Variants in SAMMSON observed in about 807,000 individuals in gnomAD.
SAMMSON encodes survival associated mitochondrial melanoma specific oncogenic non-coding RNA.
chr3:70,196,198 G>C (rs897656956), intron 4 of SAMMSON, among the ~76,000 whole-genome samples: 1 of 152,144 alleles, frequency 6.6e-6, no homozygotes, highest in Non-Finnish European at 1.5e-5. Context: ...GAATAACTAA[G>C]AGCCTTTCTG....
chr3:70,269,873 G>A (rs1485281193), intron 6 of SAMMSON, among the ~76,000 whole-genome samples: 2 of 152,104 alleles, frequency 1.3e-5, no homozygotes, highest in Non-Finnish European at 2.9e-5. Context: ...TAAGGAAGAA[G>A]TCAAATATAA....
chr3:70,177,827 C>G (rs966040870), intron 4 of SAMMSON, among the ~76,000 whole-genome samples: 4 of 152,102 alleles, frequency 2.6e-5, no homozygotes, highest in African/African-American at 9.7e-5. Context: ...TCTCAAGTGT[C>G]CACTTATGGT....
chr3:69,999,751 C>T (rs1229982132), upstream of SAMMSON: 2 of 152,346 alleles, frequency 1.3e-5, no homozygotes, highest in African/African-American at 2.4e-5. Context: ...ACACTGAAGT[C>T]GCTAGACATT....
intron 6 of SAMMSON, among the ~76,000 whole-genome samples, chr3:70,286,811 C>G (rs942940896): frequency 6.6e-6 from 1 of 152,134 alleles, no homozygotes; most frequent in African/African-American, 2.4e-5. Flanking sequence ...ATTTTATTCT[C>G]TTTGAAGCAA....
chr3:70,033,199 C>T (rs1483946136), intron 3 of SAMMSON, among the ~76,000 whole-genome samples: 1 of 152,150 alleles, frequency 6.6e-6, no homozygotes, highest in Non-Finnish European at 1.5e-5. Flanking sequence ...CTTGATAATG[C>T]AGCTTTACTT....
chr3:70,153,665 G>A (rs967049350), intron 4 of SAMMSON, among the ~76,000 whole-genome samples: 11 of 151,782 alleles, frequency 7.2e-5, no homozygotes, highest in African/African-American at 2.4e-4. Context: ...ATATTTTTGC[G>A]ATTTTTAAAA....
intron 3 of SAMMSON, among the ~76,000 whole-genome samples, chr3:70,025,875 A>G (rs912328901): frequency 2.0e-5 from 3 of 152,188 alleles, no homozygotes; most frequent in Admixed American, 1.3e-4. Context: ...TATATTTGCT[A>G]TTTGTTAAGT....
chr3:70,112,906 C>T (rs1427022603), intron 4 of SAMMSON, among the ~76,000 whole-genome samples: 1 of 152,172 alleles, frequency 6.6e-6, no homozygotes, highest in Non-Finnish European at 1.5e-5. Context: ...AAACTCCATT[C>T]TCACAATAGA....
intron 2 of SAMMSON, among the ~76,000 whole-genome samples, chr3:70,430,955 C>A (rs558126905): frequency 4.1e-4 from 63 of 151,970 alleles, no homozygotes; most frequent in Non-Finnish European, 7.1e-4. Flanking sequence ...TACTTTTTTT[C>A]ACCTGAGAAA....
At chr3:70,023,138 C>G (rs2067022416) in intron 3 of SAMMSON, among the ~76,000 whole-genome samples, 1 of 152,076 alleles carries the variant, frequency 6.6e-6, no homozygotes, top group African/African-American at 2.4e-5. Flanking sequence ...CAAATAATTT[C>G]CAGTCTCAAA....
intron 6 of SAMMSON, among the ~76,000 whole-genome samples, chr3:70,281,335 T>C (rs1001263135): frequency 4.6e-5 from 7 of 152,134 alleles, no homozygotes; most frequent in African/African-American, 1.7e-4. Flanking sequence ...ATCTTATCCA[T>C]TCTCTCTCAA....
chr3:70,290,723 G>A (rs374282337), intron 6 of SAMMSON, among the ~76,000 whole-genome samples: 92 of 152,224 alleles, frequency 6.0e-4, no homozygotes, highest in African/African-American at 1.4e-3. Context: ...CTCCGTGGGC[G>A]TAGGACCCTC....
chr3:70,092,850 C>T (rs957834594), intron 4 of SAMMSON, among the ~76,000 whole-genome samples: 2 of 150,424 alleles, frequency 1.3e-5, no homozygotes, highest in Admixed American at 6.6e-5. Context: ...TTTAGTGATT[C>T]GCTTGATAAA....
At chr3:70,129,011 T>G (rs981268709) in intron 4 of SAMMSON, among the ~76,000 whole-genome samples, 11 of 152,192 alleles carry the variant, frequency 7.2e-5, no homozygotes, top group Non-Finnish European at 2.9e-5. Context: ...AAGCATCAAA[T>G]GCATATAAAT....
intron 3 of SAMMSON, among the ~76,000 whole-genome samples, chr3:70,017,325 A>C (rs1274713289): frequency 6.6e-6 from 1 of 152,014 alleles, no homozygotes; most frequent in Non-Finnish European, 1.5e-5. Flanking sequence ...TTGGATTCCT[A>C]GGTATTTTAT....
chr3:70,221,821 C>G (rs968064655), intron 4 of SAMMSON, among the ~76,000 whole-genome samples: 7 of 151,880 alleles, frequency 4.6e-5, no homozygotes, highest in African/African-American at 1.7e-4. Flanking sequence ...CAGGACATTG[C>G]TAAATTTTTT....
At chr3:70,272,675 G>T (rs1701986074) in intron 6 of SAMMSON, among the ~76,000 whole-genome samples, 2 of 152,162 alleles carry the variant, frequency 1.3e-5, no homozygotes, top group South Asian at 4.1e-4. Context: ...ATAAAAAACT[G>T]CTCAGCACAA....
intron 7 of SAMMSON, among the ~76,000 whole-genome samples, chr3:70,351,847 C>T (rs1319798035): frequency 1.3e-5 from 2 of 152,064 alleles, no homozygotes; most frequent in African/African-American, 4.8e-5. Flanking sequence ...TCCACCATAA[C>T]AGCAAAGGCC....
chr3:70,050,153 G>T lies in SAMMSON; in HGVS notation n.418-21323G>T, dbSNP rs534844150. Among the ~76,000 whole-genome samples, 6 of 152,208 alleles carry T rather than the reference G, an allele frequency of 3.9e-5. No homozygotes were observed. The East Asian group carries it at 1.2e-3, about 30-fold the overall frequency. ...GGCCAGAGAGAAGAACTGCCCCACC[G>T]TGGCATTGTGATCTATATTACTGAA... On this transcript the variant is annotated intron_variant and non_coding_transcript_variant, in intron 3 of 9. Coordinates refer to ENST00000642114, the Ensembl canonical transcript of SAMMSON.
Sources: gnomAD v4.1 joint callset for allele counts (sites outside exome capture counted in the v4.1 genomes callset) on GRCh38, gnomAD v4.1.1 for gene constraint, MANE v1.5 for transcripts, NCBI Gene and HGNC (gene_info 2026-07-23, HGNC 2026-07-21) for gene names.